RIPOR2: variants seen among roughly 807,000 people sequenced by gnomAD.
RIPOR2 encodes the protein RHO family interacting cell polarization regulator 2, also known as rho family-interacting cell polarization regulator 2.
RIPOR2 carries 39 observed loss-of-function variants against 114.5 expected under a neutral mutation model. That is an observed-to-expected ratio of 0.34 (90% CI 0.26 to 0.44). The LOEUF (loss-of-function observed/expected upper bound fraction) is 0.44, where lower values mean the gene tolerates loss of function less well. Ranked by LOEUF, RIPOR2 falls within the 20% of genes least tolerant of loss-of-function variation. The pLI is 1.00. For missense variants in RIPOR2, 1,007 were observed against 1,255.1 expected (o/e 0.80, Z 2.99); for synonymous variants, 445 against 484.4 (o/e 0.92, Z 1.07).
At chr6:24,943,172 T>C (rs1772228429) in intron 1 of RIPOR2, among the ~76,000 whole-genome samples, 1 of 152,196 alleles carries the variant, frequency 6.6e-6, no homozygotes, top group Admixed American at 6.6e-5. Context: ...TAGAAAATGA[T>C]GAGTTCATGT....
rs917223254 is a variant in RIPOR2 at position 25,037,704 on chromosome 6, G to C, written c.76+4147C>G. 9.2e-5 allele frequency among the ~76,000 whole-genome samples: 14 copies of C among 152,106 alleles called. No homozygotes were observed. The highest frequency in any genetic ancestry group is 3.4e-4 in the African/African-American group (14 of 41,398). On this transcript the variant is annotated intron_variant, in intron 1 of 13. Transcript: ENST00000510784. This position sits in a 1 kb window ranked among gnomAD's most constrained non-coding sequence, Gnocchi z 4.5. ...AAAAGAAAATAAATATTTCATTACA[G>C]ATTCTGGGGGTGAAAGGAAGAAGTG...
chr6:24,918,981 A>T (rs1770286611), intron 1 of RIPOR2, among the ~76,000 whole-genome samples: 1 of 152,098 alleles, frequency 6.6e-6, no homozygotes, highest in Non-Finnish European at 1.5e-5. Flanking sequence ...CCCCCAACTA[A>T]CACACATTTT....
chr6:24,818,080 C>T (rs887900250), intron 20 of RIPOR2, among the ~76,000 whole-genome samples: 1 of 150,514 alleles, frequency 6.6e-6, no homozygotes, highest in Non-Finnish European at 1.5e-5. Flanking sequence ...TCTCCCTCCT[C>T]AGCCTCCTGA....
chr6:24,944,742 T>C (rs886123791), intron 1 of RIPOR2, among the ~76,000 whole-genome samples: 3 of 152,074 alleles, frequency 2.0e-5, no homozygotes, highest in Non-Finnish European at 4.4e-5. Flanking sequence ...AATCCACAAC[T>C]AGACACATCA....
intron 19 of RIPOR2, among the ~76,000 whole-genome samples, chr6:24,824,453 G>A (rs1363661490): frequency 1.3e-5 from 2 of 152,232 alleles, no homozygotes; most frequent in East Asian, 1.9e-4. Context: ...GAGAGGCCAT[G>A]TTTAACTTTC....
At chr6:24,882,938 T>C (rs1163208743) in intron 1 of RIPOR2, among the ~76,000 whole-genome samples, 2 of 152,200 alleles carry the variant, frequency 1.3e-5, no homozygotes, top group African/African-American at 2.4e-5. Context: ...TTTTCAGATA[T>C]GGCAGTTTGG....
At chr6:24,845,171 T>A (rs1016801974) in intron 12 of RIPOR2, among the ~76,000 whole-genome samples, 2 of 152,152 alleles carry the variant, frequency 1.3e-5, no homozygotes, top group Admixed American at 1.3e-4. Context: ...AAACTGAGGA[T>A]GTTTTACTCT....
At chr6:25,010,515 A>C (rs980392867) in intron 1 of RIPOR2, among the ~76,000 whole-genome samples, 3 of 152,256 alleles carry the variant, frequency 2.0e-5, no homozygotes, top group Admixed American at 6.5e-5. Flanking sequence ...AGGGCAAAAC[A>C]AAATGAACTG....
chr6:25,015,895 GGTTT>G (rs1415525153), intron 1 of RIPOR2: 7 of 16,450 alleles, frequency 4.3e-4, no homozygotes, highest in Non-Finnish European at 7.1e-4. Flanking sequence ...CAGGTTTTTT[GGTTT>G]TTTTTTTTTT....
rs757742151 is a variant in RIPOR2, at chr6:24,851,125, C to T, written c.760-403G>A. On this transcript the variant is annotated intron_variant, in intron 9 of 21. Transcript: ENST00000643898. The stretch of plus-strand genomic sequence containing the variant: ...GGCTAGGCTGGTCTCAAACTCCTGA[C>T]CTCAGGTCATCTGCCCGCCTCAGCC... Among the ~76,000 whole-genome samples, 7 of 152,136 alleles carry T rather than the reference C, an allele frequency of 4.6e-5. 1 individual carries two copies. In the Middle Eastern group the frequency reaches 0.024, roughly 517 times the overall value.
rs1193405246 is a variant in RIPOR2 at position 24,828,253 on chromosome 6, G to A, written c.2549C>T (p.Pro850Leu). 6.4e-7 allele frequency: 1 copy of A among 1,550,876 alleles called. No individual in the cohort carries two copies. Among genetic ancestry groups the A allele is most frequent in the Non-Finnish European group, 8.7e-7 (1 of 1,146,490 alleles). The change falls in exon 18 of 22, where the codon CCT becomes CTT. Residue 850 changes from proline (P) to leucine (L), a missense_variant. Physicochemically the swap from Pro to Leu is moderately conservative, Grantham distance 98 (BLOSUM62 -3). Transcript: ENST00000643898. ...LVSQILDRAE[P>L]LLSSSLSSEV... Reference sequence around the variant, plus strand: ...CGAGGACAGGCTGGAGGAAAGCAGAGGCTCAGCCCGGTCCAGAATTTGGGA... The same window carrying A: ...CGAGGACAGGCTGGAGGAAAGCAGAAGCTCAGCCCGGTCCAGAATTTGGGA...
At chr6:25,016,073 T>G (rs957407177) in intron 1 of RIPOR2, among the ~76,000 whole-genome samples, 4 of 151,656 alleles carry the variant, frequency 2.6e-5, no homozygotes, top group African/African-American at 7.3e-5. Context: ...CTAGCTAATT[T>G]TTTTGTATTT....
At chr6:25,031,903 G>A (rs1307594928) in intron 1 of RIPOR2, among the ~76,000 whole-genome samples, 3 of 149,564 alleles carry the variant, frequency 2.0e-5, no homozygotes, top group African/African-American at 4.9e-5. Context: ...TATGTGAAAC[G>A]TATTAATAAT....
rs868138807 is a variant in RIPOR2, at chr6:24,961,636, T to C, written c.76+80215A>G. On this transcript the variant is annotated intron_variant, in intron 1 of 13. Coordinates refer to the RIPOR2 transcript ENST00000510784. Reference sequence around the variant, plus strand: ...GGGGTACAGTTGTTATTCTAAGCTTTTTTTTTTTTTTGAGACAGTCTCGCT... The same window carrying C: ...GGGGTACAGTTGTTATTCTAAGCTTCTTTTTTTTTTTGAGACAGTCTCGCT... 7.6e-4 allele frequency among the ~76,000 whole-genome samples: 113 copies of C among 147,840 alleles called. 1 individual carries two copies. Among genetic ancestry groups the C allele is most frequent in the Middle Eastern group, 7.0e-3 (2 of 284 alleles).
At chr6:24,849,226 C>G (rs925069024) in intron 11 of RIPOR2, among the ~76,000 whole-genome samples, 1 of 152,162 alleles carries the variant, frequency 6.6e-6, no homozygotes, top group African/African-American at 2.4e-5. Context: ...AATAACTTAT[C>G]ATGACCTTTC....
At chr6:24,963,092 C>T (rs911876036) in intron 1 of RIPOR2, among the ~76,000 whole-genome samples, 10 of 152,152 alleles carry the variant, frequency 6.6e-5, no homozygotes, top group Non-Finnish European at 1.3e-4. Context: ...GGCTGGAATA[C>T]AATGGCGCAA....
chr6:25,009,807 G>T (rs954474733), intron 1 of RIPOR2, among the ~76,000 whole-genome samples: 1 of 152,138 alleles, frequency 6.6e-6, no homozygotes, highest in African/African-American at 2.4e-5. Context: ...AGGAAAGAAC[G>T]ATACTTCCTG....
chr6:24,895,509 T>C (rs60242371), intron 1 of RIPOR2, among the ~76,000 whole-genome samples: 8,010 of 152,176 alleles, frequency 0.053, 587 homozygotes, highest in African/African-American at 0.16. Flanking sequence ...ATGTCACATT[T>C]GCCTCCCATC....
chr6:24,880,828 C>A (rs1337743268), intron 1 of RIPOR2, among the ~76,000 whole-genome samples: 1 of 152,160 alleles, frequency 6.6e-6, no homozygotes, highest in East Asian at 1.9e-4. Context: ...ACATTTAGAG[C>A]TGGGATTGTA....
Sources: allele counts gnomAD v4.1 joint callset (sites outside exome capture counted in the v4.1 genomes callset), GRCh38; gene constraint gnomAD v4.1.1; non-coding constraint Gnocchi (gnomAD v3.1); transcripts MANE v1.5; gene names NCBI Gene and HGNC (gene_info 2026-07-23, HGNC 2026-07-21).